The following TRPM1 variants were observed in gnomAD, a reference collection of about 807,000 sequenced individuals.
TRPM1 encodes TRPM1-203 APA Isoform, Intron 10.
A neutral mutation model predicts 149.4 loss-of-function variants in TRPM1; 113 were observed. That is an observed-to-expected ratio of 0.76 (90% confidence interval 0.65 to 0.88). The LOEUF is 0.88. Among genes scored for constraint, TRPM1 ranks in the 40% least tolerant of loss-of-function variants. The pLI is 0.00. For missense variants in TRPM1, 1,976 were observed against 2,038.7 expected (o/e 0.97, Z 0.59); for synonymous variants, 741 against 759.5 (o/e 0.98, Z 0.40).
intron 1 of TRPM1, among the ~76,000 whole-genome samples, chr15:31,112,858 C>G (rs2035710909): frequency 6.6e-6 from 1 of 152,204 alleles, no homozygotes; most frequent in Non-Finnish European, 1.5e-5. Flanking sequence ...ACCCCCTTTT[C>G]TTTCTTGTAA....
chr15:31,067,304 C>T, intron 5 of TRPM1, 117 bp from the exon 6 acceptor site: 2 of 1,424,706 alleles, frequency 1.4e-6, no homozygotes, highest in Non-Finnish European at 2.0e-6. Context: ...AGGGGTGAGA[C>T]ACACTCATCT....
In TRPM1 at chr15:31,119,153, A is replaced by T. The variant is rs547855080; in HGVS notation, c.54+41753T>A. On this transcript the variant is annotated intron_variant, in intron 1 of 26. Coordinates refer to the TRPM1 transcript ENST00000542188. ...CTACTCGGGAGGCTGAGGCAGGAGA[A>T]TTGCTTGAACCCAGGAGGCAGAGGT... 3.3e-5 allele frequency among the ~76,000 whole-genome samples: 5 copies of T among 152,234 alleles called. No individual in the cohort carries two copies. In the South Asian group the frequency reaches 6.2e-4, roughly 19 times the overall value.
chr15:31,149,723 G>T (rs1174226068), intron 1 of TRPM1, among the ~76,000 whole-genome samples: 2 of 152,082 alleles, frequency 1.3e-5, no homozygotes, highest in East Asian at 1.9e-4. Context: ...GTTTCACCGT[G>T]TTAGCCAGGA....
At chr15:31,085,957 G>T (rs2034989912) in intron 1 of TRPM1, among the ~76,000 whole-genome samples, 1 of 152,192 alleles carries the variant, frequency 6.6e-6, no homozygotes, top group South Asian at 2.1e-4. Context: ...ATGGGTGTAG[G>T]ATGTCCTGGA....
intron 1 of TRPM1, among the ~76,000 whole-genome samples, chr15:31,151,281 G>A (rs1166656483): frequency 1.3e-5 from 2 of 152,150 alleles, no homozygotes; most frequent in South Asian, 4.1e-4. Flanking sequence ...GTTGTTTACC[G>A]TCACTCCCAA....
chr15:31,113,141 C>G (rs940935224), intron 1 of TRPM1, among the ~76,000 whole-genome samples: 1 of 152,148 alleles, frequency 6.6e-6, no homozygotes, highest in Admixed American at 6.5e-5. Flanking sequence ...CTCACTGTGT[C>G]TTCTGCCTGA....
intron 16 of TRPM1, among the ~76,000 whole-genome samples, chr15:31,044,176 A>G (rs558804537): frequency 4.0e-4 from 61 of 152,358 alleles, no homozygotes; most frequent in African/African-American, 8.4e-4. Flanking sequence ...AAAAACGACA[A>G]TGAAGGTTCT....
At chr15:31,003,611 T>C (rs548540342) in intron 27 of TRPM1, among the ~76,000 whole-genome samples, 1 of 152,346 alleles carries the variant, frequency 6.6e-6, no homozygotes, top group Non-Finnish European at 1.5e-5. Flanking sequence ...ACTATGGCTG[T>C]CAGCAGTGAA....
At chr15:31,113,625 TTACTG>T (rs1264717058) in intron 1 of TRPM1, among the ~76,000 whole-genome samples, 1 of 152,190 alleles carries the variant, frequency 6.6e-6, no homozygotes, top group African/African-American at 2.4e-5. Context: ...TCATAGCACT[TTACTG>T]TACAAATTAT....
intron 1 of TRPM1, among the ~76,000 whole-genome samples, chr15:31,096,228 C>T (rs1481996442): frequency 6.6e-6 from 1 of 152,124 alleles, no homozygotes; most frequent in Non-Finnish European, 1.5e-5. Context: ...AGTGCTGCCT[C>T]TGGGAGGGAA....
Position 31,142,848 on chromosome 15 carries a change from A to G in TRPM1, c.54+18058T>C, listed in dbSNP as rs190072533. 2.3e-3 allele frequency among the ~76,000 whole-genome samples: 347 copies of G among 152,328 alleles called. 1 individual carries two copies. The highest frequency in any genetic ancestry group is 6.8e-3 in the South Asian group (33 of 4,830). ...CATTGTCAAATAAGAAATGGTGTTA[A>G]ATTTTCTTTGAGTTATATTTGTATA... On this transcript the variant is annotated intron_variant, in intron 1 of 26. Coordinates refer to the TRPM1 transcript ENST00000542188.
Position 31,060,571 on chromosome 15 carries a change from C to T in TRPM1, c.1236G>A (p.Gln412=). The stretch of plus-strand genomic sequence containing the variant: ...GCCAGTGGGGCCCAAAGACAAAGAT[C>T]TGGCTTCGTGCTATGTCCACGCGGT... The part of the protein sequence containing the change: ...AWNRVDIARS[Q]IFVFGPHWPP... The change falls in exon 11 of 28, where the codon CAG becomes CAA. Residue 412 remains glutamine (Q), a synonymous_variant. Coordinates refer to ENST00000256552, the MANE Select transcript of TRPM1 (RefSeq NM_001252024.2). 1 of 1,614,228 alleles carries T rather than the reference C, an allele frequency of 6.2e-7. No individual in the cohort carries two copies. Among genetic ancestry groups the T allele is most frequent in the Non-Finnish European group, 8.5e-7 (1 of 1,180,024 alleles).
At chr15:31,136,674 T>G (rs1269904856) in intron 1 of TRPM1, among the ~76,000 whole-genome samples, 1 of 151,930 alleles carries the variant, frequency 6.6e-6, no homozygotes, top group Non-Finnish European at 1.5e-5. Context: ...TGTCCTTGTC[T>G]CATAAGGAAA....
At position 31,063,247 on chromosome 15, in the gene TRPM1, C is replaced by T. The variant is rs371005282; in HGVS notation, c.836G>A (p.Gly279Asp). The T allele has an allele frequency of 2.7e-5, 44 of 1,614,040 alleles. No homozygotes were observed. Among genetic ancestry groups the T allele is most frequent in the African/African-American group, 1.5e-4 (11 of 75,018 alleles). ...VPLVGLVVEG[G>D]PNVVSIVLEY... Reference sequence around the variant, plus strand: ...CAAGACGATGGACACCACGTTAGGGCCCCCCTCCACCACGAGACCCACGAG... The same window carrying T: ...CAAGACGATGGACACCACGTTAGGGTCCCCCTCCACCACGAGACCCACGAG... The change falls in exon 8 of 28, where the codon GGC (glycine) becomes GAC (aspartate). Residue 279 changes from glycine to aspartate, a missense_variant. By Grantham distance (94) the Gly-to-Asp change is moderately conservative (BLOSUM62 -1). This residue lies in a region of TRPM1 where 1,332 missense variants were observed against 1,347.1 expected (regional missense o/e 0.99). Coordinates refer to ENST00000256552, the MANE Select transcript of TRPM1 (RefSeq NM_001252024.2).
intron 7 of TRPM1, among the ~76,000 whole-genome samples, chr15:31,063,905 A>G (rs2034301856): frequency 6.6e-6 from 1 of 152,186 alleles, no homozygotes; most frequent in African/African-American, 2.4e-5. Flanking sequence ...ACTGAGAAAT[A>G]TTGGAAGGTA....
rs1299943737 is a variant in TRPM1 at position 31,063,126 on chromosome 15, T to C, written c.957A>G (p.Glu319=). 1 of 1,614,208 alleles carries C rather than the reference T, an allele frequency of 6.2e-7. No individual in the cohort carries two copies. The highest frequency in any genetic ancestry group is 2.2e-5 in the East Asian group (1 of 44,888). ...DILSFAHKYC[E]EGGIINESLR... Reference sequence around the variant, plus strand: ...CGCGTCAGAAATCCTACCCGCCTTCTTCACAGTACTTGTGCGCAAAGGACA... The same window carrying C: ...CGCGTCAGAAATCCTACCCGCCTTCCTCACAGTACTTGTGCGCAAAGGACA... Residue 319 remains glutamate (E), a synonymous_variant, in exon 8 of 28, where the codon GAA becomes GAG. Transcript: ENST00000256552.
At chr15:31,078,125 A>G (rs1367911643) in intron 2 of TRPM1, among the ~76,000 whole-genome samples, 5 of 152,148 alleles carry the variant, frequency 3.3e-5, no homozygotes, top group Non-Finnish European at 5.9e-5. Flanking sequence ...CACAACTGCC[A>G]TGAGGAGTGC....
chr15:31,081,064 C>G (rs558615675), intron 2 of TRPM1, among the ~76,000 whole-genome samples: 5 of 152,188 alleles, frequency 3.3e-5, no homozygotes, highest in African/African-American at 9.6e-5. Flanking sequence ...CTGTCCCCCC[C>G]CTTATCGTGC....
chr15:31,070,428 G>T (rs1175133846), intron 3 of TRPM1: 1 of 707,552 alleles, frequency 1.4e-6, no homozygotes, highest in East Asian at 2.7e-5. Context: ...TTATATGCCA[G>T]TCGATTTTAG....
Sources: allele counts gnomAD v4.1 joint callset (sites outside exome capture counted in the v4.1 genomes callset), GRCh38; gene constraint gnomAD v4.1.1; regional missense constraint gnomAD v4.1.1; transcripts MANE v1.5; gene names NCBI Gene and HGNC (gene_info 2026-07-23, HGNC 2026-07-21).